Variants in ZMAT4 observed in about 807,000 individuals in gnomAD.
The protein encoded by ZMAT4 is zinc finger matrin-type 4.
In ZMAT4, 17 loss-of-function variants were observed where a neutral mutation model predicts 28.7. That is an observed-to-expected ratio of 0.59 (90% CI 0.41 to 0.89). ZMAT4 has a LOEUF of 0.89. Ranked by LOEUF, ZMAT4 falls within the 40% of genes least tolerant of loss-of-function variation. The pLI is 0.00. For synonymous variants in ZMAT4, 117 were observed against 109.2 expected (o/e 1.07, Z -0.44); for missense variants, 240 against 283.8 (o/e 0.85, Z 1.11).
intron 6 of ZMAT4, among the ~76,000 whole-genome samples, chr8:40,572,437 T>C (rs1484343396): frequency 6.6e-6 from 1 of 152,188 alleles, no homozygotes; most frequent in African/African-American, 2.4e-5. Flanking sequence ...GTCTAATTTA[T>C]TATCTTAGAC....
At chr8:40,821,147 T>G (rs554724356) in intron 2 of ZMAT4, among the ~76,000 whole-genome samples, 2 of 152,196 alleles carry the variant, frequency 1.3e-5, no homozygotes, top group East Asian at 3.9e-4. Context: ...TGCCCTGTAC[T>G]TTTTTCTTTT....
chr8:40,708,134 T>A (rs1810442137), intron 3 of ZMAT4, among the ~76,000 whole-genome samples: 1 of 152,236 alleles, frequency 6.6e-6, no homozygotes, highest in African/African-American at 2.4e-5. Flanking sequence ...GCACAAAATC[T>A]GCATGCTATC....
intron 3 of ZMAT4, among the ~76,000 whole-genome samples, chr8:40,697,986 C>T (rs774869285): frequency 3.9e-5 from 6 of 152,144 alleles, no homozygotes; most frequent in Non-Finnish European, 7.3e-5. Context: ...TTCAGATAGC[C>T]TGAATTATTT....
chr8:40,826,567 T>TA (rs1307295217), intron 1 of ZMAT4, among the ~76,000 whole-genome samples: 1 of 152,166 alleles, frequency 6.6e-6, no homozygotes, highest in Non-Finnish European at 1.5e-5. Flanking sequence ...AGTTTAGAGT[T>TA]AAATAGTTGC....
chr8:40,646,590 CAATTT>C (rs1479329972), intron 5 of ZMAT4, among the ~76,000 whole-genome samples: 2 of 151,862 alleles, frequency 1.3e-5, no homozygotes, highest in South Asian at 2.1e-4. Context: ...TTATTGTTGT[CAATTT>C]AATTTAATTT....
intron 4 of ZMAT4, among the ~76,000 whole-genome samples, chr8:40,694,696 T>A (rs7012872): frequency 0.97 from 148,277 of 152,202 alleles, 72,341 homozygotes; most frequent in East Asian, 1. Flanking sequence ...AGAAGTGAAG[T>A]TTTTCTCTGA....
At chr8:40,672,030 A>G (rs145135578) in intron 5 of ZMAT4, among the ~76,000 whole-genome samples, 5 of 152,338 alleles carry the variant, frequency 3.3e-5, no homozygotes, top group African/African-American at 1.2e-4. Context: ...ATAAATGAGC[A>G]AACCAGACAT....
intron 3 of ZMAT4, among the ~76,000 whole-genome samples, chr8:40,700,166 G>A (rs1039883750): frequency 1.3e-5 from 2 of 152,080 alleles, no homozygotes; most frequent in African/African-American, 4.8e-5. Context: ...AATTGGAGAA[G>A]TAGACAGAAA....
chr8:40,835,562 G>A (rs1440738353), intron 1 of ZMAT4, among the ~76,000 whole-genome samples: 1 of 152,114 alleles, frequency 6.6e-6, no homozygotes, highest in Non-Finnish European at 1.5e-5. Flanking sequence ...CAAAAATACA[G>A]TTTCTAAATA....
At chr8:40,551,090 C>A (rs1170366530) in intron 6 of ZMAT4, among the ~76,000 whole-genome samples, 2 of 151,996 alleles carry the variant, frequency 1.3e-5, no homozygotes, top group East Asian at 3.9e-4. Flanking sequence ...TCTCTGTATC[C>A]ACAAAAGTGA....
Position 40,681,665 on chromosome 8 carries a change from A to G in ZMAT4, c.350-6734T>C, listed in dbSNP as rs1356320919. On this transcript the variant is annotated intron_variant, in intron 4 of 6. Transcript: ENST00000297737. ...CTTTTGTGTAGATAGTAGATGCTCA[A>G]TGAACATGTGATAAATACATGAAGA... 2.0e-5 allele frequency among the ~76,000 whole-genome samples: 3 copies of G among 152,284 alleles called. No individual in the cohort carries two copies. In the South Asian group the frequency reaches 6.2e-4, roughly 32 times the overall value.
intron 1 of ZMAT4, among the ~76,000 whole-genome samples, chr8:40,872,466 C>A (rs1817895131): frequency 6.6e-6 from 1 of 152,132 alleles, no homozygotes; most frequent in Non-Finnish European, 1.5e-5. Flanking sequence ...GGAGAGTAAA[C>A]AAGCTGGGAA....
chr8:40,728,905 T>C (rs998383703), intron 3 of ZMAT4, among the ~76,000 whole-genome samples: 10 of 152,296 alleles, frequency 6.6e-5, no homozygotes, highest in East Asian at 1.9e-4. Context: ...ACTAGTTTTG[T>C]CTATTACTGG....
intron 2 of ZMAT4, among the ~76,000 whole-genome samples, chr8:40,771,436 T>C (rs1016624621): frequency 6.6e-6 from 1 of 152,028 alleles, no homozygotes; most frequent in Non-Finnish European, 1.5e-5. Flanking sequence ...AATATAATAA[T>C]AATAATTTTG....
At chr8:40,785,272 T>A (rs1814021380) in intron 2 of ZMAT4, among the ~76,000 whole-genome samples, 1 of 152,366 alleles carries the variant, frequency 6.6e-6, no homozygotes, top group Middle Eastern at 3.4e-3. Flanking sequence ...GCTCTCATTG[T>A]CTTGGCCACA....
intron 5 of ZMAT4, among the ~76,000 whole-genome samples, chr8:40,599,862 C>G (rs180802490): frequency 1.2e-3 from 185 of 152,284 alleles, no homozygotes; most frequent in South Asian, 3.5e-3. Context: ...CAGCACCGGT[C>G]CCTTCTGTTA....
intron 6 of ZMAT4, among the ~76,000 whole-genome samples, chr8:40,545,745 T>C (rs750679127): frequency 4.6e-5 from 7 of 152,126 alleles, no homozygotes; most frequent in Non-Finnish European, 1.0e-4. Context: ...ATCTTGAACT[T>C]CTAGCTTCCA....
chr8:40,707,887 C>T (rs1404542874), intron 3 of ZMAT4, among the ~76,000 whole-genome samples: 2 of 151,972 alleles, frequency 1.3e-5, no homozygotes, highest in African/African-American at 4.8e-5. Flanking sequence ...CTGCCATAGA[C>T]CATTTAATAA....
At chr8:40,671,626 A>G (rs916741677) in intron 5 of ZMAT4, among the ~76,000 whole-genome samples, 2 of 152,202 alleles carry the variant, frequency 1.3e-5, no homozygotes, top group Non-Finnish European at 2.9e-5. Flanking sequence ...AAACTAATCT[A>G]TGATGAAAAA....
Sources: allele counts gnomAD v4.1 joint callset (sites outside exome capture counted in the v4.1 genomes callset), GRCh38; gene constraint gnomAD v4.1.1; transcripts MANE v1.5; gene names NCBI Gene and HGNC (gene_info 2026-07-23, HGNC 2026-07-21).